FAM110B: variants seen among roughly 807,000 people sequenced by gnomAD.
FAM110B encodes protein FAM110B.
Under a neutral mutation model 20.4 loss-of-function variants are expected in FAM110B, and 6 were observed. The ratio of observed to expected loss-of-function variants is 0.29; its 90% CI spans 0.16 to 0.58. The LOEUF is 0.58. Among genes scored for constraint, FAM110B ranks in the 20% least tolerant of loss-of-function variants. The pLI, the probability that FAM110B is intolerant of heterozygous loss-of-function variation, is 0.90. For synonymous variants in FAM110B, 226 were observed against 214.1 expected, an observed-to-expected ratio of 1.06 and a Z score of -0.49; for missense variants, 434 against 498.2, an observed-to-expected ratio of 0.87 and a Z score of 1.23.
At chr8:58,088,966 A>T (rs941131714) in intron 3 of FAM110B, among the ~76,000 whole-genome samples, 1 of 152,224 alleles carries the variant, frequency 6.6e-6, no homozygotes, top group Non-Finnish European at 1.5e-5. Context: ...TAGTGCCATG[A>T]ATATTCCTTT....
chr8:58,011,720 C>G (rs748595954), intron 1 of FAM110B, among the ~76,000 whole-genome samples: 8 of 152,150 alleles, frequency 5.3e-5, no homozygotes, highest in Non-Finnish European at 1.0e-4. Flanking sequence ...CCAATATTGC[C>G]AGTAGAGCTC....
At chr8:58,076,425 G>A (rs1184403426) in intron 3 of FAM110B, among the ~76,000 whole-genome samples, 2 of 152,186 alleles carry the variant, frequency 1.3e-5, no homozygotes, top group Admixed American at 6.5e-5. Flanking sequence ...GACTGAGGAG[G>A]TGGAGCATCT....
chr8:58,129,768 A>G (rs1803405358), intron 3 of FAM110B, among the ~76,000 whole-genome samples: 1 of 152,216 alleles, frequency 6.6e-6, no homozygotes, highest in South Asian at 2.1e-4. Flanking sequence ...CCCACGGCTG[A>G]TGAGATGCCC....
At chr8:58,131,421 G>A (rs1247625434) in intron 3 of FAM110B, among the ~76,000 whole-genome samples, 1 of 152,066 alleles carries the variant, frequency 6.6e-6, no homozygotes, top group Non-Finnish European at 1.5e-5. Context: ...ACTGCTCCCA[G>A]CCCATGCTAC....
intron 1 of FAM110B, among the ~76,000 whole-genome samples, chr8:58,022,450 C>T (rs1363102071): frequency 2.6e-5 from 4 of 151,778 alleles, no homozygotes; most frequent in Admixed American, 2.0e-4. Context: ...TGGGTGGTGG[C>T]GATGGTTGTA....
chr8:58,003,739 A>T (rs955207365), intron 1 of FAM110B, among the ~76,000 whole-genome samples: 11 of 152,250 alleles, frequency 7.2e-5, no homozygotes, highest in Non-Finnish European at 7.3e-5. Context: ...AATATTCAGT[A>T]GATCATACTG....
intron 2 of FAM110B, among the ~76,000 whole-genome samples, chr8:58,075,275 T>TTGTGTGTGTGTGTGTGTGTGTG (rs60073899): frequency 1.4e-5 from 2 of 141,668 alleles, no homozygotes; most frequent in African/African-American, 5.7e-5. Context: ...TTTTTTTTTT[T>TTGTGTGTGTGTGTGTGTGTGTG]TGTGTGTGTG....
chr8:58,127,682 G>C (rs2150631543), intron 3 of FAM110B, among the ~76,000 whole-genome samples: 1 of 152,252 alleles, frequency 6.6e-6, no homozygotes, highest in South Asian at 2.1e-4. Flanking sequence ...GGAAACTCAT[G>C]TTAAAAATAC....
chr8:58,023,481 A>G (rs1424868494), intron 1 of FAM110B, among the ~76,000 whole-genome samples: 1 of 152,226 alleles, frequency 6.6e-6, no homozygotes, highest in Non-Finnish European at 1.5e-5. Context: ...ATTTTTCAAT[A>G]TAGTTTTGGA....
At chr8:58,143,358 C>T (rs554327207) in intron 3 of FAM110B, among the ~76,000 whole-genome samples, 1 of 152,090 alleles carries the variant, frequency 6.6e-6, no homozygotes, top group Non-Finnish European at 1.5e-5. Flanking sequence ...TAAACTCTAA[C>T]CATGGTCATG....
chr8:58,103,442 G>A (rs956014377), intron 3 of FAM110B, among the ~76,000 whole-genome samples: 3 of 151,390 alleles, frequency 2.0e-5, no homozygotes, highest in Non-Finnish European at 2.9e-5. Flanking sequence ...TTGTTCTTGC[G>A]ATAGTTTACT....
chr8:58,070,830 G>A (rs900615459), intron 2 of FAM110B, among the ~76,000 whole-genome samples: 1 of 152,228 alleles, frequency 6.6e-6, no homozygotes, highest in Non-Finnish European at 1.5e-5. Flanking sequence ...TGCCTTAGCA[G>A]AAGTAATGTG....
chr8:58,015,646 G>T (rs185399186), intron 1 of FAM110B, among the ~76,000 whole-genome samples: 1 of 152,092 alleles, frequency 6.6e-6, no homozygotes, highest in East Asian at 1.9e-4. Context: ...AGGAGTTCGA[G>T]ACCAGCCTGG....
chr8:58,104,516 A>G (rs1196269275), intron 3 of FAM110B, among the ~76,000 whole-genome samples: 1 of 152,204 alleles, frequency 6.6e-6, no homozygotes, highest in East Asian at 1.9e-4. Flanking sequence ...TATGAAATAA[A>G]TTGTAAATAT....
intron 2 of FAM110B, among the ~76,000 whole-genome samples, chr8:58,051,333 C>T (rs574019166): frequency 6.6e-6 from 1 of 152,156 alleles, no homozygotes; most frequent in Non-Finnish European, 1.5e-5. Context: ...AACCTTGAAG[C>T]TGTGTGGATG....
chr8:58,099,318 T>C (rs936611854), intron 3 of FAM110B, among the ~76,000 whole-genome samples: 1 of 152,040 alleles, frequency 6.6e-6, no homozygotes, highest in Admixed American at 6.5e-5. Flanking sequence ...TCAAAGGCAA[T>C]GCTCATTATA....
intron 3 of FAM110B, among the ~76,000 whole-genome samples, chr8:58,136,301 T>C (rs754647621): frequency 3.5e-4 from 54 of 152,236 alleles, no homozygotes; most frequent in African/African-American, 7.0e-4. Context: ...TGAGCCACCG[T>C]GCCCCGGCCC....
At chr8:58,097,494 C>T (rs1308280784) in intron 3 of FAM110B, among the ~76,000 whole-genome samples, 1 of 152,114 alleles carries the variant, frequency 6.6e-6, no homozygotes, top group African/African-American at 2.4e-5. Flanking sequence ...AGAACATGCT[C>T]CTTTAGCTTG....
At chr8:58,028,385 C>T (rs147523897) in intron 1 of FAM110B, among the ~76,000 whole-genome samples, 3,530 of 152,310 alleles carry the variant, frequency 0.023, 152 homozygotes, top group African/African-American at 0.081. Flanking sequence ...GGATTACAGG[C>T]GTGAGCCACT....
Sources: gnomAD v4.1 joint callset for allele counts (sites outside exome capture counted in the v4.1 genomes callset) on GRCh38, gnomAD v4.1.1 for gene constraint, MANE v1.5 for transcripts, NCBI Gene and HGNC (gene_info 2026-07-23, HGNC 2026-07-21) for gene names.